The following LUZP2 variants were observed in gnomAD, a reference collection of about 807,000 sequenced individuals.
The protein encoded by LUZP2 is leucine zipper protein 2.
In LUZP2, 52 loss-of-function variants were observed where a neutral mutation model predicts 51.6. That is an observed-to-expected ratio of 1.01 (90% CI 0.81 to 1.27). The LOEUF (loss-of-function observed/expected upper bound fraction) is 1.27. Ranked by LOEUF, LUZP2 falls within the 50% of genes most tolerant of loss-of-function variation. The probability of loss-of-function intolerance (pLI) is 0.00; values close to 1 mark genes in which losing one functional copy is unlikely to be tolerated. For missense variants in LUZP2, 436 were observed against 395.4 expected (o/e 1.10, Z -0.87); for synonymous variants, 154 against 137.3 (o/e 1.12, Z -0.85).
At chr11:24,723,677 A>C (rs1858363558) in intron 1 of LUZP2, among the ~76,000 whole-genome samples, 1 of 152,068 alleles carries the variant, frequency 6.6e-6, no homozygotes, top group Admixed American at 6.6e-5. Flanking sequence ...AAATTAAAAA[A>C]GCTTAGCCCT....
At chr11:24,928,146 C>T (rs745815909) in intron 7 of LUZP2, among the ~76,000 whole-genome samples, 3 of 151,934 alleles carry the variant, frequency 2.0e-5, no homozygotes, top group Non-Finnish European at 4.4e-5. Context: ...TTGGAGGAGT[C>T]CTTAGGGTTT....
At chr11:24,843,356 A>AT (rs1851093899) in intron 5 of LUZP2, among the ~76,000 whole-genome samples, 2 of 152,214 alleles carry the variant, frequency 1.3e-5, no homozygotes, top group East Asian at 1.9e-4. Flanking sequence ...ATATTGGGTG[A>AT]TTTTTTGGTG....
intron 4 of LUZP2, among the ~76,000 whole-genome samples, chr11:24,755,127 A>G (rs1460427621): frequency 6.6e-6 from 1 of 151,892 alleles, no homozygotes; most frequent in African/African-American, 2.4e-5. Flanking sequence ...TCTGGGTGAC[A>G]AGAGCAAAAC....
In LUZP2 at chr11:24,884,427, C is replaced by T. The variant is rs552329443; in HGVS notation, c.397-21564C>T. ...GCACAAAGTAAACACTCCGTAAATG[C>T]TAGTTGAAACACAGACATACATTCG... On this transcript the variant is annotated intron_variant, in intron 5 of 11. Transcript: ENST00000336930. Among the ~76,000 whole-genome samples the T allele has an allele frequency of 1.1e-4, 16 of 152,130 alleles. No homozygotes were observed. In the South Asian group the frequency reaches 2.7e-3, roughly 26 times the overall value.
Position 25,078,597 on chromosome 11 carries a change from C to T in LUZP2, c.980C>T (p.Ala327Val). The T allele has an allele frequency of 2.5e-6, 4 of 1,612,140 alleles. No homozygotes were observed. Among genetic ancestry groups the T allele is most frequent in the Non-Finnish European group, 3.4e-6 (4 of 1,179,484 alleles). The change falls in exon 12 of 12, where the codon GCC becomes GTC. Residue 327 changes from alanine (A) to valine (V), a missense_variant. Coordinates refer to ENST00000336930, the MANE Select transcript of LUZP2 (RefSeq NM_001009909.4). ...TGCTCTGAATGTGAGGTGAAAAAAG[C>T]CCCAGAAAAACCATTGACCAGCTTT... ...PPCSECEVKKAPEKPLTSFEG... is the reference protein window; with the variant it reads ...PPCSECEVKKVPEKPLTSFEG...
chr11:24,800,867 A>G (rs1271736910), intron 5 of LUZP2, among the ~76,000 whole-genome samples: 1 of 152,110 alleles, frequency 6.6e-6, no homozygotes, highest in African/African-American at 2.4e-5. Context: ...TTTCATTGTA[A>G]CCTATTTTAT....
chr11:24,913,526 T>C (rs1475499113), intron 6 of LUZP2, among the ~76,000 whole-genome samples: 2 of 152,186 alleles, frequency 1.3e-5, no homozygotes, highest in African/African-American at 4.8e-5. Context: ...ACCTAGGACA[T>C]ATTGCAGTGT....
chr11:24,822,943 A>G (rs1321214030), intron 5 of LUZP2, among the ~76,000 whole-genome samples: 1 of 152,070 alleles, frequency 6.6e-6, no homozygotes, highest in Non-Finnish European at 1.5e-5. Context: ...ATTAAATATT[A>G]CTCATCTGTT....
intron 9 of LUZP2, among the ~76,000 whole-genome samples, chr11:25,016,007 A>G (rs1857142300): frequency 1.4e-5 from 2 of 146,542 alleles, no homozygotes; most frequent in African/African-American, 5.1e-5. Flanking sequence ...TGCAAGCTCC[A>G]CCTCCCGGGT....
intron 1 of LUZP2, among the ~76,000 whole-genome samples, chr11:24,546,208 A>G (rs752028787): frequency 6.6e-5 from 10 of 152,094 alleles, no homozygotes; most frequent in Non-Finnish European, 1.3e-4. Context: ...TCTTCGATAC[A>G]GGATTATATT....
chr11:24,723,276 C>T (rs769760717), intron 1 of LUZP2, among the ~76,000 whole-genome samples: 75 of 152,184 alleles, frequency 4.9e-4, no homozygotes, highest in Non-Finnish European at 7.1e-4. Flanking sequence ...TCTACCTCTC[C>T]TACCCTGCAA....
At chr11:24,797,018 C>T (rs1849566826) in intron 5 of LUZP2, among the ~76,000 whole-genome samples, 1 of 152,108 alleles carries the variant, frequency 6.6e-6, no homozygotes, top group Admixed American at 6.6e-5. Context: ...TTCGGCTCAT[C>T]ATTCCCTAGC....
chr11:25,010,370 A>G lies in LUZP2; in HGVS notation c.765+27077A>G, dbSNP rs916987277. ...GGAGTTTGAGACCAGCCTGGCCAATATGGTGAAACCCTGTCTCTACTAAAA... is the reference window on the plus strand; with the variant it reads ...GGAGTTTGAGACCAGCCTGGCCAATGTGGTGAAACCCTGTCTCTACTAAAA... On this transcript the variant is annotated intron_variant, in intron 9 of 11. Coordinates refer to ENST00000336930, the MANE Select transcript of LUZP2 (RefSeq NM_001009909.4). Among the ~76,000 whole-genome samples, 4 of 152,082 alleles carry G rather than the reference A, an allele frequency of 2.6e-5. No individual in the cohort carries two copies. In the South Asian group the frequency reaches 8.3e-4, roughly 32 times the overall value.
intron 1 of LUZP2, among the ~76,000 whole-genome samples, chr11:24,586,060 T>C (rs983004025): frequency 6.6e-6 from 1 of 152,248 alleles, no homozygotes; most frequent in East Asian, 1.9e-4. Context: ...CTCCAATCAC[T>C]TTTCTTTCTC....
intron 1 of LUZP2, among the ~76,000 whole-genome samples, chr11:24,617,321 T>G (rs1854322590): frequency 6.6e-6 from 1 of 152,184 alleles, no homozygotes; most frequent in Non-Finnish European, 1.5e-5. Flanking sequence ...TTTGCCTTAT[T>G]TTTCACCTGA....
chr11:24,600,438 T>C (rs1230869477), intron 1 of LUZP2, among the ~76,000 whole-genome samples: 3 of 152,122 alleles, frequency 2.0e-5, no homozygotes, highest in African/African-American at 7.2e-5. Flanking sequence ...GAATTTGTGG[T>C]GCTTTATTAT....
At chr11:25,057,424 A>G (rs1293770508) in intron 10 of LUZP2, among the ~76,000 whole-genome samples, 1 of 152,090 alleles carries the variant, frequency 6.6e-6, no homozygotes, top group East Asian at 1.9e-4. Context: ...TTAGCAGCAT[A>G]TTCGACTATC....
Position 24,497,267 on chromosome 11 carries a change from C to T in LUZP2, c.24C>T (p.Tyr8=), listed in dbSNP as rs774241277. 5.6e-5 allele frequency: 88 copies of T among 1,566,914 alleles called. No individual in the cohort carries two copies. Among genetic ancestry groups the T allele is most frequent in the Non-Finnish European group, 7.6e-5 (88 of 1,154,956 alleles). ...GCATGAAATTCAGCCCAGCGCACTA[C>T]CTGCTGCCTCTCCTGCCTGCGCTGG... MKFSPAH[Y]LLPLLPALVL... is the part of the protein sequence containing the mutation. The change falls in exon 1 of 12, where the codon TAC becomes TAT. Residue 8 remains tyrosine (Y), a synonymous_variant. Coordinates refer to ENST00000336930, the MANE Select transcript of LUZP2 (RefSeq NM_001009909.4).
intron 1 of LUZP2, among the ~76,000 whole-genome samples, chr11:24,649,214 C>A (rs1361942659): frequency 6.6e-6 from 1 of 151,962 alleles, no homozygotes; most frequent in Admixed American, 6.6e-5. Context: ...CAGAGGGAGG[C>A]TCCTCAGTAG....
Sources: allele counts gnomAD v4.1 joint callset (sites outside exome capture counted in the v4.1 genomes callset), GRCh38; gene constraint gnomAD v4.1.1; transcripts MANE v1.5; gene names NCBI Gene and HGNC (gene_info 2026-07-23, HGNC 2026-07-21).